ANXA8: variants seen among roughly 807,000 people sequenced by gnomAD.
ANXA8 encodes the protein annexin A8.
ANXA8 carries 9 observed loss-of-function variants against 26.8 expected under a neutral mutation model. The observed-to-expected ratio is 0.34, with a 90% CI of 0.20 to 0.59. The LOEUF is 0.59. Among genes scored for constraint, ANXA8 ranks in the 20% least tolerant of loss-of-function variants. ANXA8 has a pLI of 0.84. For missense variants in ANXA8, 83 were observed against 238.5 expected (o/e 0.35, Z 4.29); for synonymous variants, 39 against 94.8 (o/e 0.41, Z 3.42).
the ANXA8 span, among the ~76,000 whole-genome samples, chr10:47,979,464 G>A: frequency 5.9e-5 from 9 of 151,576 alleles, no homozygotes; most frequent in South Asian, 4.2e-4. Flanking sequence ...CTGGAACCAC[G>A]TTACATTACA....
the ANXA8 span, among the ~76,000 whole-genome samples, chr10:47,665,733 C>T: frequency 1.3e-5 from 2 of 151,048 alleles, no homozygotes; most frequent in African/African-American, 4.9e-5. Flanking sequence ...CTTTCCTTTT[C>T]CATGGCTCTT....
the ANXA8 span, among the ~76,000 whole-genome samples, chr10:47,693,266 G>A: frequency 6.6e-6 from 1 of 151,254 alleles, no homozygotes; most frequent in Non-Finnish European, 1.5e-5. Context: ...GTACCTTGGT[G>A]TTCCTGTAGG....
the ANXA8 span, among the ~76,000 whole-genome samples, chr10:47,977,242 A>G: frequency 1.6e-5 from 2 of 125,628 alleles, no homozygotes; most frequent in Non-Finnish European, 3.5e-5. Flanking sequence ...CAAAAAGTAT[A>G]CATTAAAACT....
At chr10:47,761,748 TG>T in the ANXA8 span, 1 of 599,632 alleles carries the variant, frequency 1.7e-6, no homozygotes, top group Non-Finnish European at 3.0e-6. Flanking sequence ...ACCCTGCCTC[TG>T]GGTTTGATCT....
the ANXA8 span, among the ~76,000 whole-genome samples, chr10:47,586,170 C>T: frequency 2.1e-5 from 3 of 144,088 alleles, 1 homozygote; most frequent in African/African-American, 5.8e-5. Flanking sequence ...GGAAATTACC[C>T]TGCTAAGTCA....
At chr10:47,516,597 G>A in the ANXA8 span, among the ~76,000 whole-genome samples, 1 of 138,654 alleles carries the variant, frequency 7.2e-6, no homozygotes, top group African/African-American at 2.8e-5. Flanking sequence ...AGTTACGTGA[G>A]ATCCCAAAAG....
At chr10:47,699,352 A>AG in the ANXA8 span, among the ~76,000 whole-genome samples, 1 of 147,164 alleles carries the variant, frequency 6.8e-6, no homozygotes, top group East Asian at 2.0e-4. Context: ...TCCAAAAAAA[A>AG]AAAAAAAAAA....
the ANXA8 span, among the ~76,000 whole-genome samples, chr10:47,595,863 A>C: frequency 6.7e-6 from 1 of 148,222 alleles, no homozygotes; most frequent in Non-Finnish European, 1.5e-5. Flanking sequence ...TGAGGCAGAA[A>C]TCTAAACAAA....
chr10:47,552,120 G>A, the ANXA8 span, among the ~76,000 whole-genome samples: 1 of 151,530 alleles, frequency 6.6e-6, no homozygotes, highest in South Asian at 2.1e-4. Context: ...ATTTCTCTCT[G>A]TTATGCTATA....
the ANXA8 span, among the ~76,000 whole-genome samples, chr10:47,560,602 C>G: frequency 6.6e-6 from 1 of 151,892 alleles, no homozygotes; most frequent in Non-Finnish European, 1.5e-5. Flanking sequence ...TGCAGGGCAC[C>G]GTGCCAGATT....
At chr10:47,718,230 G>A in the ANXA8 span, among the ~76,000 whole-genome samples, 1 of 151,724 alleles carries the variant, frequency 6.6e-6, no homozygotes, top group East Asian at 1.9e-4. Context: ...CAGCATTCTG[G>A]GAGGCCAAGA....
chr10:47,483,792 G>A, intron 1 of ANXA8, 121 bp downstream of exon 1: 2 of 1,607,218 alleles, frequency 1.2e-6, no homozygotes, highest in Non-Finnish European at 8.5e-7. Context: ...TGGCCCAGGA[G>A]GCAGCCAAAT....
chr10:47,595,901 G>A, the ANXA8 span, among the ~76,000 whole-genome samples: 1 of 148,322 alleles, frequency 6.7e-6, no homozygotes, highest in African/African-American at 2.6e-5. Context: ...TTTGCCACTT[G>A]ACCAATTGAA....
At chr10:47,954,201 G>A in the ANXA8 span, among the ~76,000 whole-genome samples, 293 of 150,620 alleles carry the variant, frequency 1.9e-3, 3 homozygotes, top group African/African-American at 6.5e-3. Flanking sequence ...GATGGAGTAC[G>A]ATTCAGCCAT....
At chr10:47,647,972 A>G in the ANXA8 span, among the ~76,000 whole-genome samples, 1 of 151,846 alleles carries the variant, frequency 6.6e-6, no homozygotes, top group East Asian at 1.9e-4. Context: ...AAGGGAAGAG[A>G]CTGGAGTTAT....
intron 1 of ANXA8, among the ~76,000 whole-genome samples, chr10:47,483,468 G>A (rs3013940): frequency 0.092 from 9,016 of 98,378 alleles, 923 homozygotes; most frequent in African/African-American, 0.23. Flanking sequence ...AGCTTCCCTC[G>A]AAGCCAAGCT....
the ANXA8 span, among the ~76,000 whole-genome samples, chr10:47,679,056 A>AG: frequency 1.2e-4 from 16 of 129,194 alleles, no homozygotes; most frequent in East Asian, 1.6e-3. Flanking sequence ...AAAAAAAAAA[A>AG]AAAGAAAAAG....
the ANXA8 span, among the ~76,000 whole-genome samples, chr10:47,552,154 A>G: frequency 1.3e-5 from 2 of 151,876 alleles, no homozygotes; most frequent in South Asian, 4.1e-4. Flanking sequence ...ACCTCTGCTA[A>G]GGTTACATTC....
the ANXA8 span, among the ~76,000 whole-genome samples, chr10:47,733,176 T>C: frequency 1.9e-5 from 2 of 103,006 alleles, no homozygotes; most frequent in African/African-American, 6.0e-5. Context: ...TTTCTTTCTT[T>C]CTTTCTTTCT....
Sources: gnomAD v4.1 joint callset for allele counts (sites outside exome capture counted in the v4.1 genomes callset) on GRCh38, gnomAD v4.1.1 for gene constraint, MANE v1.5 for transcripts, NCBI Gene and HGNC (gene_info 2026-07-23, HGNC 2026-07-21) for gene names.